CDH13: variants seen among roughly 807,000 people sequenced by gnomAD.
CDH13 encodes the protein cadherin-13.
A neutral mutation model predicts 63.8 loss-of-function variants in CDH13; 24 were observed. That is an observed-to-expected ratio of 0.38 (90% CI 0.27 to 0.53). The LOEUF (loss-of-function observed/expected upper bound fraction) is 0.53. Among genes scored for constraint, CDH13 ranks in the 20% least tolerant of loss-of-function variants. The probability of loss-of-function intolerance (pLI) is 0.85; values close to 1 mark genes in which losing one functional copy is unlikely to be tolerated. For synonymous variants in CDH13, 503 were observed against 355.3 expected (o/e 1.42, Z -4.67); for missense variants, 1,049 against 903.1 (o/e 1.16, Z -2.07).
chr16:83,313,814 G>T (rs1597725367), intron 5 of CDH13, among the ~76,000 whole-genome samples: 1 of 152,150 alleles, frequency 6.6e-6, no homozygotes, highest in African/African-American at 2.4e-5. Flanking sequence ...ACAGTTACTT[G>T]AAATATGTGC....
At chr16:83,061,521 T>A (rs2031548500) in intron 3 of CDH13, among the ~76,000 whole-genome samples, 1 of 152,180 alleles carries the variant, frequency 6.6e-6, no homozygotes, top group South Asian at 2.1e-4. Context: ...CAGCTAAAAA[T>A]TCTTCCAGCT....
intron 3 of CDH13, among the ~76,000 whole-genome samples, chr16:83,056,915 C>T (rs2031003661): frequency 6.6e-6 from 1 of 152,044 alleles, no homozygotes; most frequent in Non-Finnish European, 1.5e-5. Flanking sequence ...ATTGTGAGTC[C>T]TCCCCGGCTA....
At chr16:83,481,580 G>A (rs1173479766) in intron 6 of CDH13, among the ~76,000 whole-genome samples, 1 of 152,188 alleles carries the variant, frequency 6.6e-6, no homozygotes, top group African/African-American at 2.4e-5. Flanking sequence ...CCACAAGGAA[G>A]CGATCACACT....
At chr16:83,718,169 A>T (rs58407834) in intron 10 of CDH13, among the ~76,000 whole-genome samples, 18,818 of 152,238 alleles carry the variant, frequency 0.12, 1,420 homozygotes, top group African/African-American at 0.21. Context: ...CAGGAGAGGA[A>T]CACAGCCCAC....
intron 2 of CDH13, chr16:82,858,682 A>T: frequency 1.6e-6 from 1 of 612,572 alleles, no homozygotes; most frequent in East Asian, 2.7e-5. Context: ...TCTTTTTAGT[A>T]TTTTATCATC....
chr16:83,554,919 CTT>C lies in CDH13; in HGVS notation c.961-47516_961-47515del, dbSNP rs200979734. ...CCATTGCAATGCCCTACTGCTGAAT[CTT>C]TTTTTTTTTTTTTTTTTTAGAGAAC... On this transcript the variant is annotated intron_variant, in intron 7 of 13. Transcript: ENST00000567109. 1.2e-3 allele frequency among the ~76,000 whole-genome samples: 164 copies of C among 133,782 alleles called. 1 individual carries two copies. Among genetic ancestry groups the C allele is most frequent in the African/African-American group, 3.9e-3 (134 of 34,578 alleles). The allele number at this position is 133,782 out of a possible 152,430, so 87.8% of individuals were successfully genotyped here. A position where few individuals can be genotyped will look rare whatever the true frequency, so the allele number is the denominator to read the frequency against.
chr16:83,321,264 C>G (rs575583499), intron 5 of CDH13, among the ~76,000 whole-genome samples: 1 of 152,140 alleles, frequency 6.6e-6, no homozygotes, highest in Non-Finnish European at 1.5e-5. Context: ...AAGTTGATTT[C>G]CTTTTACACC....
intron 1 of CDH13, among the ~76,000 whole-genome samples, chr16:82,857,425 G>A (rs141136277): frequency 1.3e-5 from 2 of 152,300 alleles, no homozygotes; most frequent in African/African-American, 4.8e-5. Flanking sequence ...TTGGTTGTTG[G>A]GGGGAGGTAA....
intron 2 of CDH13, among the ~76,000 whole-genome samples, chr16:82,897,272 C>T (rs1329771658): frequency 6.6e-6 from 1 of 152,218 alleles, no homozygotes; most frequent in Admixed American, 6.5e-5. Flanking sequence ...TATCAGCACA[C>T]AGCAGCTGGG....
intron 1 of CDH13, among the ~76,000 whole-genome samples, chr16:82,740,014 C>G (rs2033858679): frequency 6.6e-6 from 1 of 152,058 alleles, no homozygotes; most frequent in Admixed American, 6.5e-5. Flanking sequence ...CCTAATAGAC[C>G]ATTTCTCTGG....
At chr16:83,738,145 G>A (rs192689379) in intron 10 of CDH13, among the ~76,000 whole-genome samples, 5 of 152,172 alleles carry the variant, frequency 3.3e-5, no homozygotes, top group Admixed American at 6.5e-5. Flanking sequence ...CCCTTGTCAC[G>A]AGAGTAATTA....
intron 2 of CDH13, among the ~76,000 whole-genome samples, chr16:82,909,139 G>A (rs912177132): frequency 3.9e-5 from 6 of 151,948 alleles, no homozygotes; most frequent in African/African-American, 4.8e-5. Context: ...TTTAAAATTT[G>A]TATTATGTTT....
intron 7 of CDH13, among the ~76,000 whole-genome samples, chr16:83,554,842 C>G (rs947179674): frequency 4.0e-5 from 6 of 151,548 alleles, no homozygotes; most frequent in African/African-American, 4.8e-5. Context: ...AAACATTTGT[C>G]TTTCTTTACC....
chr16:82,797,693 G>A (rs188816725), intron 1 of CDH13, among the ~76,000 whole-genome samples: 220 of 152,008 alleles, frequency 1.4e-3, no homozygotes, highest in Admixed American at 3.1e-3. Flanking sequence ...TTTATTCAGT[G>A]CTTAAGGTAT....
intron 5 of CDH13, among the ~76,000 whole-genome samples, chr16:83,325,634 C>T (rs745352086): frequency 2.6e-5 from 4 of 152,128 alleles, no homozygotes; most frequent in Non-Finnish European, 2.9e-5. Context: ...GGCCTGTTAA[C>T]CATAACTCGA....
chr16:83,643,283 T>TAAAA (rs1195185794), intron 8 of CDH13, among the ~76,000 whole-genome samples: 62 of 93,828 alleles, frequency 6.6e-4, no homozygotes, highest in South Asian at 1.3e-3. Flanking sequence ...TAGAGTATAA[T>TAAAA]AAAAAAAAAA....
rs117455457 is a variant in CDH13 at position 83,365,226 on chromosome 16, C to T, written c.781+20220C>T. ...GATGGTATCATTTCCAGTCTAAACG[C>T]CAGCAGGAAGGGCCAATGTATTGTT... On this transcript the variant is annotated intron_variant, in intron 6 of 13. Coordinates refer to ENST00000567109, the MANE Select transcript of CDH13 (RefSeq NM_001257.5). Among the ~76,000 whole-genome samples the T allele has an allele frequency of 8.1e-4, 123 of 152,270 alleles. 2 individuals carry two copies. The East Asian group carries it at 0.019, about 23-fold the overall frequency.
intron 2 of CDH13, among the ~76,000 whole-genome samples, chr16:82,913,954 A>G (rs776904062): frequency 4.6e-5 from 7 of 152,078 alleles, no homozygotes; most frequent in Non-Finnish European, 5.9e-5. Context: ...GGAGATGTAG[A>G]CAGCGCTGGG....
intron 1 of CDH13, among the ~76,000 whole-genome samples, chr16:82,754,215 C>G (rs1192817588): frequency 2.6e-5 from 4 of 152,180 alleles, no homozygotes; most frequent in African/African-American, 9.7e-5. Flanking sequence ...AAGAACCTTT[C>G]ATGTCTATTT....
Sources: allele counts gnomAD v4.1 joint callset (sites outside exome capture counted in the v4.1 genomes callset), GRCh38; gene constraint gnomAD v4.1.1; transcripts MANE v1.5; gene names NCBI Gene and HGNC (gene_info 2026-07-23, HGNC 2026-07-21).